RUFY4: variants seen among roughly 807,000 people sequenced by gnomAD.
RUFY4 encodes the protein RUN and FYVE domain containing 4.
In RUFY4, 73 loss-of-function variants were observed where a neutral mutation model predicts 69.0. The ratio of observed to expected loss-of-function variants is 1.06; its 90% CI spans 0.88 to 1.29. The LOEUF (loss-of-function observed/expected upper bound fraction) is 1.29. Ranked by LOEUF, RUFY4 falls within the 50% of genes most tolerant of loss-of-function variation. The probability of loss-of-function intolerance (pLI) is 0.00; values close to 1 mark genes in which losing one functional copy is unlikely to be tolerated. For missense variants in RUFY4, 770 were observed against 705.6 expected, an observed-to-expected ratio of 1.09 and a Z score of -1.03; for synonymous variants, 287 against 271.8, an observed-to-expected ratio of 1.06 and a Z score of -0.55.
At chr2:218,085,754 A>G (rs796638540) in intron 9 of RUFY4, among the ~76,000 whole-genome samples, 5 of 152,358 alleles carry the variant, frequency 3.3e-5, no homozygotes, top group African/African-American at 9.6e-5. Context: ...AAGATCCTTC[A>G]CTAAAGGAAT....
chr2:218,082,168 G>C (rs1042695351), intron 8 of RUFY4, among the ~76,000 whole-genome samples: 1 of 152,208 alleles, frequency 6.6e-6, no homozygotes, highest in African/African-American at 2.4e-5. Flanking sequence ...GAAAAACCAA[G>C]AGTGGAGCTG....
At chr2:218,054,138 T>G (rs1014562498) in intron 2 of RUFY4, among the ~76,000 whole-genome samples, 17 of 152,222 alleles carry the variant, frequency 1.1e-4, no homozygotes, top group African/African-American at 3.1e-4. Flanking sequence ...TTCATCAGAT[T>G]TCAAGCATGG....
At chr2:218,080,604 G>A (rs565858113) in intron 8 of RUFY4, among the ~76,000 whole-genome samples, 5 of 152,282 alleles carry the variant, frequency 3.3e-5, no homozygotes, top group South Asian at 2.1e-4. Flanking sequence ...TGTCCTCTGC[G>A]CTGGGAATAA....
chr2:218,060,519 A>T (rs1320910193), intron 3 of RUFY4: 2 of 1,295,354 alleles, frequency 1.5e-6, no homozygotes, highest in Non-Finnish European at 2.3e-6. Flanking sequence ...GGATGCCCAG[A>T]ATCTCAGTGG....
intron 2 of RUFY4, among the ~76,000 whole-genome samples, chr2:218,047,736 G>C (rs1162179019): frequency 6.6e-6 from 1 of 152,122 alleles, no homozygotes; most frequent in Admixed American, 6.5e-5. Context: ...GCTTACCAGT[G>C]CACCCAATTA....
rs539805613 is a variant in RUFY4 at position 218,072,729 on chromosome 2, C to T, written c.280-50C>T. The T allele has an allele frequency of 4.9e-5, 68 of 1,392,214 alleles. 2 individuals carry two copies. In the Middle Eastern group the frequency reaches 3.0e-3, roughly 61 times the overall value. The allele number at this position is 1,392,214 out of a possible 1,614,324, so 86.2% of individuals were successfully genotyped here. On this transcript the variant is annotated intron_variant, in intron 3 of 10. Transcript: ENST00000344321. ...GTCCCCTCTCTCTGTGTTACCTGGG[C>T]GCCCTTTGTCCTAATACTGCTCCCC...
At chr2:218,076,950 T>G (rs190778196) in intron 8 of RUFY4, among the ~76,000 whole-genome samples, 53 of 152,366 alleles carry the variant, frequency 3.5e-4, no homozygotes, top group African/African-American at 1.2e-3. Context: ...TGCTTCTTCC[T>G]GTTATGCCAC....
intron 2 of RUFY4, among the ~76,000 whole-genome samples, chr2:218,045,712 T>A (rs1246354806): frequency 6.6e-6 from 1 of 152,188 alleles, no homozygotes; most frequent in Non-Finnish European, 1.5e-5. Context: ...ATCTTAGTTA[T>A]CAGACACCTG....
intron 8 of RUFY4, 81 bp from the exon 11 acceptor site, chr2:218,083,029 T>C: frequency 6.4e-7 from 1 of 1,568,634 alleles, no homozygotes; most frequent in Non-Finnish European, 8.7e-7. Context: ...ATGGGCTCCC[T>C]CTCTGGAAGA....
chr2:218,074,355 ATAT>A (rs1689572891), intron 6 of RUFY4, among the ~76,000 whole-genome samples: 1 of 152,216 alleles, frequency 6.6e-6, no homozygotes, highest in Admixed American at 6.5e-5. Context: ...CCCCATAGGG[ATAT>A]TGTGAGGATG....
rs1323382977 is a variant in RUFY4 at position 218,075,112 on chromosome 2, G to A, written c.620G>A (p.Gly207Glu). Residue 207 changes from glycine to glutamate, a missense_variant, in exon 7 of 11, where the codon GGG (glycine) becomes GAG (glutamate). By Grantham distance (98) the Gly-to-Glu change is moderately conservative. Coordinates refer to ENST00000344321, the Ensembl canonical transcript of RUFY4. The stretch of plus-strand genomic sequence containing the variant: ...CCACAGATCCCAGCCGCATATGGAG[G>A]GCCTGAAAATGTCCAGATTGAGGAC... 11 of 1,537,804 alleles carry A rather than the reference G, an allele frequency of 7.2e-6. No individual in the cohort carries two copies. In the South Asian group the frequency reaches 1.3e-4, roughly 19 times the overall value.
At chr2:218,078,584 A>G (rs1689689595) in intron 8 of RUFY4, among the ~76,000 whole-genome samples, 1 of 152,202 alleles carries the variant, frequency 6.6e-6, no homozygotes, top group African/African-American at 2.4e-5. Flanking sequence ...AGCCACTGAG[A>G]GCTCAGAGTA....
At chr2:218,086,446 G>A (rs986119903) in intron 9 of RUFY4, among the ~76,000 whole-genome samples, 1 of 152,154 alleles carries the variant, frequency 6.6e-6, no homozygotes, top group African/African-American at 2.4e-5. Flanking sequence ...TCCTAAGATT[G>A]TCCAGAAAAA....
At chr2:218,072,648 T>C (rs1330108485) in intron 3 of RUFY4, 131 bp from the exon 6 acceptor site, 3 of 1,317,418 alleles carry the variant, frequency 2.3e-6, no homozygotes, top group Admixed American at 5.1e-5. Context: ...CCAGACACCC[T>C]TTTCCTCCCA....
At chr2:218,066,086 G>A (rs1371486539), upstream of RUFY4, among the ~76,000 whole-genome samples, 10 of 151,442 alleles carry the variant, frequency 6.6e-5, no homozygotes, top group African/African-American at 2.2e-4. Flanking sequence ...CAGGTGCAGA[G>A]AAATGTCCAA....
intron 2 of RUFY4, among the ~76,000 whole-genome samples, chr2:218,036,479 CTA>C (rs938710783): frequency 6.6e-6 from 1 of 152,194 alleles, no homozygotes; most frequent in African/African-American, 2.4e-5. Flanking sequence ...AAGTCTAACT[CTA>C]TAAAAGGGAC....
chr2:218,070,406 A>G (rs1304156351), upstream of RUFY4: 1 of 628,232 alleles, frequency 1.6e-6, no homozygotes, highest in South Asian at 1.8e-5. Flanking sequence ...CCACACCATC[A>G]TCTTCACACA....
intron 2 of RUFY4, among the ~76,000 whole-genome samples, chr2:218,058,332 C>T (rs1018376707): frequency 1.2e-4 from 19 of 152,106 alleles, no homozygotes; most frequent in Admixed American, 3.9e-4. Flanking sequence ...GAAAAACTTA[C>T]GTTTATAGCC....
At chr2:218,083,804 T>C (rs1574518318) in intron 9 of RUFY4, among the ~76,000 whole-genome samples, 1 of 143,140 alleles carries the variant, frequency 7.0e-6, no homozygotes, top group African/African-American at 2.6e-5. Flanking sequence ...TTGTATAGAG[T>C]CCCCTGAAAA....
Sources: gnomAD v4.1 joint callset for allele counts (sites outside exome capture counted in the v4.1 genomes callset) on GRCh38, gnomAD v4.1.1 for gene constraint, MANE v1.5 for transcripts, NCBI Gene and HGNC (gene_info 2026-07-23, HGNC 2026-07-21) for gene names.